The following PLEKHM3 variants were observed in gnomAD, a reference collection of about 807,000 sequenced individuals.
PLEKHM3 encodes the protein pleckstrin homology domain-containing family M member 3.
In PLEKHM3, 45 loss-of-function variants were observed where a neutral mutation model predicts 81.8. The ratio of observed to expected loss-of-function variants is 0.55; its 90% CI spans 0.43 to 0.71. PLEKHM3 has a LOEUF of 0.71. Ranked by LOEUF, PLEKHM3 falls within the 30% of genes least tolerant of loss-of-function variation. PLEKHM3 has a pLI of 0.00. For synonymous variants in PLEKHM3, 352 were observed against 356.4 expected (o/e 0.99, Z 0.14); for missense variants, 788 against 924.3 (o/e 0.85, Z 1.91).
chr2:208,003,453 A>T (rs568411638), intron 1 of PLEKHM3, among the ~76,000 whole-genome samples: 162 of 152,348 alleles, frequency 1.1e-3, no homozygotes, highest in African/African-American at 3.9e-3. Context: ...TTATATCAAC[A>T]GCACCAATCT....
chr2:207,986,991 A>G (rs1436967456), intron 2 of PLEKHM3, among the ~76,000 whole-genome samples: 2 of 152,072 alleles, frequency 1.3e-5, no homozygotes, highest in African/African-American at 4.8e-5. Context: ...CCATCAATAT[A>G]ATTGATTAGC....
intron 6 of PLEKHM3, among the ~76,000 whole-genome samples, chr2:207,865,801 A>ATATATATATATAT (rs1192139812): frequency 7.9e-5 from 2 of 25,300 alleles, no homozygotes; most frequent in African/African-American, 4.2e-4. Flanking sequence ...AAAAAAAAAA[A>ATATATATATATAT]AGATATATAT....
rs537713930 is a variant in PLEKHM3, at chr2:207,918,737, T to A, written c.1887-10160A>T. Among the ~76,000 whole-genome samples the A allele has an allele frequency of 1.4e-3, 218 of 152,318 alleles. 3 individuals carry two copies. Among genetic ancestry groups the A allele is most frequent in the African/African-American group, 5.0e-3 (209 of 41,566 alleles). ...TTGGCCAAATTGGGCAGAATCTTCATTCATTTAATTAATTTATTCAACAAG... is the reference window on the plus strand; with the variant it reads ...TTGGCCAAATTGGGCAGAATCTTCAATCATTTAATTAATTTATTCAACAAG... On this transcript the variant is annotated intron_variant, in intron 5 of 7. Transcript: ENST00000427836.
At chr2:207,846,790 T>C (rs2092385588) in intron 7 of PLEKHM3, among the ~76,000 whole-genome samples, 1 of 152,146 alleles carries the variant, frequency 6.6e-6, no homozygotes, top group Non-Finnish European at 1.5e-5. Context: ...TAAATGTGAC[T>C]ATTTTTCTGG....
intron 6 of PLEKHM3, among the ~76,000 whole-genome samples, chr2:207,888,166 T>C (rs989420271): frequency 1.6e-4 from 24 of 152,148 alleles, no homozygotes; most frequent in African/African-American, 5.8e-4. Flanking sequence ...CTTTTTGATG[T>C]CACAATCCTC....
intron 2 of PLEKHM3, among the ~76,000 whole-genome samples, chr2:207,986,749 C>A (rs1238946145): frequency 2.6e-5 from 4 of 151,162 alleles, no homozygotes; most frequent in African/African-American, 9.7e-5. Flanking sequence ...TGGCTCACGG[C>A]AGCATCAACC....
Position 207,970,842 on chromosome 2 carries a change from T to TC in PLEKHM3, c.1546+5808dup, listed in dbSNP as rs1691094825. ...CCCCACCACCTCTTGGGTTTACCCCTCCCAAGGGTTGGAGGGAAAAAAAGA... is the reference window on the plus strand; with the variant it reads ...CCCCACCACCTCTTGGGTTTACCCCTCCCCAAGGGTTGGAGGGAAAAAAAGA... On this transcript the variant is annotated intron_variant, in intron 3 of 7. Coordinates refer to ENST00000427836, the MANE Select transcript of PLEKHM3 (RefSeq NM_001080475.3). 2.6e-5 allele frequency among the ~76,000 whole-genome samples: 4 copies of TC among 152,186 alleles called. No individual in the cohort carries two copies. The South Asian group carries it at 8.3e-4, about 32-fold the overall frequency.
rs2092236037 is a variant in PLEKHM3 at position 207,824,276 on chromosome 2, A to G, written c.*4043T>C. On this transcript the variant is annotated 3_prime_UTR_variant, in exon 8 of 8. Coordinates refer to ENST00000427836, the MANE Select transcript of PLEKHM3 (RefSeq NM_001080475.3). ...GAAAAGAAGTGGTGCAGACAACTCAAGAAATAAAATGGGCAAAAATTATAC... is the reference window on the plus strand; with the variant it reads ...GAAAAGAAGTGGTGCAGACAACTCAGGAAATAAAATGGGCAAAAATTATAC... 1 of 152,266 alleles carries G rather than the reference A, an allele frequency of 6.6e-6. No homozygotes were observed. The highest frequency in any genetic ancestry group is 2.1e-4 in the South Asian group (1 of 4,838). 9.4% of individuals were successfully genotyped at this position (152,266 alleles called of 1,614,324 possible).
At chr2:208,020,805 G>A (rs1693104755) in intron 1 of PLEKHM3, among the ~76,000 whole-genome samples, 1 of 152,172 alleles carries the variant, frequency 6.6e-6, no homozygotes, top group Non-Finnish European at 1.5e-5. Flanking sequence ...CAACCAATGG[G>A]GCCACAGACA....
intron 7 of PLEKHM3, among the ~76,000 whole-genome samples, chr2:207,859,006 G>A (rs914002464): frequency 1.5e-4 from 23 of 151,986 alleles, no homozygotes; most frequent in African/African-American, 5.3e-4. Flanking sequence ...TCTCTTTATG[G>A]ATTTGCCTAT....
chr2:207,976,630 G>A lies in PLEKHM3; in HGVS notation c.1546+21C>T. Reference sequence around the variant, plus strand: ...CAGGATTGTTCTTTAATGAGCTATAGGCTGAAAATCTGCTTCATACCTGCA... The same window carrying A: ...CAGGATTGTTCTTTAATGAGCTATAAGCTGAAAATCTGCTTCATACCTGCA... On this transcript the variant is annotated intron_variant, in intron 3 of 7. Transcript: ENST00000427836. The surrounding 1 kb of genome is among the most constrained non-coding windows in gnomAD (Gnocchi z 4.1). 6.3e-7 allele frequency: 1 copy of A among 1,599,208 alleles called. No individual in the cohort carries two copies. The highest frequency in any genetic ancestry group is 8.5e-7 in the Non-Finnish European group (1 of 1,171,802).
At chr2:207,916,393 C>CA (rs1193730249) in intron 5 of PLEKHM3, among the ~76,000 whole-genome samples, 1 of 152,088 alleles carries the variant, frequency 6.6e-6, no homozygotes, top group Non-Finnish European at 1.5e-5. Context: ...TTAACAGTCG[C>CA]AAGAATATAA....
chr2:208,010,570 T>C (rs1385051959), intron 1 of PLEKHM3, among the ~76,000 whole-genome samples: 1 of 150,474 alleles, frequency 6.6e-6, no homozygotes, highest in Non-Finnish European at 1.5e-5. Context: ...AAAACTTCCA[T>C]GATAAAAACT....
At chr2:207,904,007 C>G (rs1347873919) in intron 6 of PLEKHM3, among the ~76,000 whole-genome samples, 1 of 152,098 alleles carries the variant, frequency 6.6e-6, no homozygotes, top group African/African-American at 2.4e-5. Flanking sequence ...AGTAGCTAAC[C>G]AAGGAAAAGC....
Position 207,939,908 on chromosome 2 carries a change from T to G in PLEKHM3, c.1692+6459A>C, listed in dbSNP as rs190205410. ...ATAAAGGCTTGGTTTTGCTAATTGCTTAGGCAGCGTAGGTGTGGCAGACGG... is the reference window on the plus strand; with the variant it reads ...ATAAAGGCTTGGTTTTGCTAATTGCGTAGGCAGCGTAGGTGTGGCAGACGG... On this transcript the variant is annotated intron_variant, in intron 4 of 7. Transcript: ENST00000427836. Among the ~76,000 whole-genome samples the G allele has an allele frequency of 2.9e-4, 44 of 152,294 alleles. No homozygotes were observed. The East Asian group carries it at 7.5e-3, about 26-fold the overall frequency.
At chr2:207,959,391 G>A (rs1690654109) in intron 3 of PLEKHM3, among the ~76,000 whole-genome samples, 1 of 152,140 alleles carries the variant, frequency 6.6e-6, no homozygotes, top group Non-Finnish European at 1.5e-5. Flanking sequence ...TGGCTTAGAG[G>A]TTCAGATTAT....
At chr2:208,005,871 C>T (rs891713092) in intron 1 of PLEKHM3, among the ~76,000 whole-genome samples, 5 of 152,098 alleles carry the variant, frequency 3.3e-5, no homozygotes, top group African/African-American at 7.2e-5. Flanking sequence ...TAAGAGATAG[C>T]GCCTCATGAC....
intron 3 of PLEKHM3, 144 bp from the exon 4 acceptor site, chr2:207,946,656 T>C (rs1690141733): frequency 8.9e-7 from 1 of 1,120,542 alleles, no homozygotes; most frequent in Admixed American, 2.6e-5. Context: ...GATAATAGAG[T>C]TGTACAGTTG....
At chr2:207,841,812 T>C (rs2092355765) in intron 7 of PLEKHM3, among the ~76,000 whole-genome samples, 1 of 152,136 alleles carries the variant, frequency 6.6e-6, no homozygotes, top group South Asian at 2.1e-4. Flanking sequence ...TCCCATTATA[T>C]TGTTTTACAA....
Sources: allele counts gnomAD v4.1 joint callset (sites outside exome capture counted in the v4.1 genomes callset), GRCh38; gene constraint gnomAD v4.1.1; non-coding constraint Gnocchi (gnomAD v3.1); transcripts MANE v1.5; gene names NCBI Gene and HGNC (gene_info 2026-07-23, HGNC 2026-07-21).